RAPGEF2: variants seen among roughly 807,000 people sequenced by gnomAD.
RAPGEF2 encodes PDZ domain containing guanine nucleotide exchange factor (GEF) 1.
RAPGEF2 carries 54 observed loss-of-function variants against 186.7 expected under a neutral mutation model. That is an observed-to-expected ratio of 0.29 (90% CI 0.23 to 0.36). The LOEUF is 0.36. Among genes scored for constraint, RAPGEF2 ranks in the 10% least tolerant of loss-of-function variants. RAPGEF2 has a pLI of 1.00. For missense variants in RAPGEF2, 1,532 were observed against 2,045.0 expected, an observed-to-expected ratio of 0.75 and a Z score of 4.84; for synonymous variants, 712 against 705.9, an observed-to-expected ratio of 1.01 and a Z score of -0.14.
intron 7 of RAPGEF2, among the ~76,000 whole-genome samples, chr4:159,253,739 C>T (rs1193973411): frequency 1.3e-5 from 2 of 151,954 alleles, no homozygotes; most frequent in African/African-American, 4.8e-5. Flanking sequence ...GAGGCCGAGG[C>T]GGGCGGATCA....
intron 4 of RAPGEF2, among the ~76,000 whole-genome samples, chr4:159,214,488 T>C (rs1290343399): frequency 6.6e-6 from 1 of 152,212 alleles, no homozygotes; most frequent in Non-Finnish European, 1.5e-5. Flanking sequence ...TAGGAAAACA[T>C]TGACAATTTT....
At chr4:159,140,912 A>G (rs1702470527) in intron 1 of RAPGEF2, among the ~76,000 whole-genome samples, 1 of 151,590 alleles carries the variant, frequency 6.6e-6, no homozygotes, top group Non-Finnish European at 1.5e-5. Flanking sequence ...GCTCACTGCA[A>G]CCTCTGCCTC....
intron 4 of RAPGEF2, among the ~76,000 whole-genome samples, chr4:159,212,233 G>A (rs973862107): frequency 2.6e-5 from 4 of 152,102 alleles, no homozygotes; most frequent in East Asian, 1.9e-4. Flanking sequence ...CATTGGAATC[G>A]TAAAGCTCTT....
intron 4 of RAPGEF2, among the ~76,000 whole-genome samples, chr4:159,234,818 G>T (rs1753053807): frequency 6.6e-6 from 1 of 152,104 alleles, no homozygotes; most frequent in Admixed American, 6.5e-5. Flanking sequence ...GGAGTGCAGT[G>T]GTGCAATCTC....
At chr4:159,212,732 C>G (rs1182489812) in intron 4 of RAPGEF2, among the ~76,000 whole-genome samples, 1 of 152,118 alleles carries the variant, frequency 6.6e-6, no homozygotes, top group Non-Finnish European at 1.5e-5. Context: ...AAATTTATGT[C>G]TTAAAAAGAG....
rs1289051008 is a variant in RAPGEF2, at chr4:159,343,000, G to A, written c.2940G>A (p.Val980=). 6.2e-7 allele frequency: 1 copy of A among 1,613,844 alleles called. No homozygotes were observed. Among genetic ancestry groups the A allele is most frequent in the Admixed American group, 1.7e-5 (1 of 59,958 alleles). The change falls in exon 21 of 30, where the codon GTG becomes GTA. Residue 980 remains valine, a synonymous_variant. Coordinates refer to ENST00000691494, the MANE Select transcript of RAPGEF2 (RefSeq NM_001394067.2). ...AIISGLNLAP[V]ARLRTTWEKL... is the part of the protein sequence containing the mutation. ...TCAGTGGCCTAAACCTGGCACCAGTGGCAAGACTGCGAACGACCTGGGAGA... is the reference window on the plus strand; with the variant it reads ...TCAGTGGCCTAAACCTGGCACCAGTAGCAAGACTGCGAACGACCTGGGAGA...
At chr4:159,159,737 C>A (rs1744506370) in intron 1 of RAPGEF2, among the ~76,000 whole-genome samples, 2 of 152,182 alleles carry the variant, frequency 1.3e-5, no homozygotes, top group Non-Finnish European at 2.9e-5. Flanking sequence ...TACAACTTGA[C>A]CTCTTCATTA....
At chr4:159,256,364 C>A (rs1353892661) in intron 7 of RAPGEF2, among the ~76,000 whole-genome samples, 1 of 152,210 alleles carries the variant, frequency 6.6e-6, no homozygotes, top group East Asian at 1.9e-4. Flanking sequence ...CATGTCTCTG[C>A]AAAGGACATG....
chr4:159,242,770 T>G (rs1754163463), intron 6 of RAPGEF2, among the ~76,000 whole-genome samples: 1 of 152,032 alleles, frequency 6.6e-6, no homozygotes, highest in Admixed American at 6.6e-5. Context: ...GAAGGAAATA[T>G]GTATTAAAAA....
intron 7 of RAPGEF2, among the ~76,000 whole-genome samples, chr4:159,244,255 T>C (rs1340326120): frequency 6.6e-6 from 1 of 151,960 alleles, no homozygotes; most frequent in Non-Finnish European, 1.5e-5. Flanking sequence ...GGGAGGCCAC[T>C]GGTAAAATTT....
At chr4:159,187,753 A>G (rs1307334908) in intron 2 of RAPGEF2, among the ~76,000 whole-genome samples, 1 of 152,214 alleles carries the variant, frequency 6.6e-6, no homozygotes, top group Non-Finnish European at 1.5e-5. Flanking sequence ...AGGAAGATGG[A>G]TAATATATAA....
chr4:159,280,204 A>C (rs1316533095), intron 7 of RAPGEF2, among the ~76,000 whole-genome samples: 1 of 152,206 alleles, frequency 6.6e-6, no homozygotes, highest in Non-Finnish European at 1.5e-5. Context: ...AGCTAATTTT[A>C]GTATATAGCC....
At chr4:159,110,507 G>T (rs1738381272) in intron 1 of RAPGEF2, among the ~76,000 whole-genome samples, 2 of 152,278 alleles carry the variant, frequency 1.3e-5, no homozygotes, top group Middle Eastern at 3.4e-3. Flanking sequence ...GAACCCTGGA[G>T]GCAGAGGTTG....
rs1322968741 is a variant in RAPGEF2 at position 159,205,433 on chromosome 4, A to G, written c.198-5067A>G. 2.0e-5 allele frequency among the ~76,000 whole-genome samples: 3 copies of G among 152,154 alleles called. No individual in the cohort carries two copies. The East Asian group carries it at 5.8e-4, about 29-fold the overall frequency. ...GGTTACATCCCAATAAACCCACTAT[A>G]TGTTGAAAACATCCTAAGTCAAAAT... On this transcript the variant is annotated intron_variant, in intron 3 of 29. Coordinates refer to ENST00000691494, the MANE Select transcript of RAPGEF2 (RefSeq NM_001394067.2).
intron 7 of RAPGEF2, among the ~76,000 whole-genome samples, chr4:159,294,462 G>A (rs1761651522): frequency 6.6e-6 from 1 of 152,144 alleles, no homozygotes; most frequent in Admixed American, 6.5e-5. Context: ...AAAACAAGAG[G>A]CTGAGAACTC....
chr4:159,197,717 GCTTT>G (rs1748802209), intron 3 of RAPGEF2, among the ~76,000 whole-genome samples: 1 of 152,164 alleles, frequency 6.6e-6, no homozygotes, highest in African/African-American at 2.4e-5. Flanking sequence ...TGCTGACTTG[GCTTT>G]CTGTTTTCAC....
At chr4:159,123,890 T>G (rs1739995718) in intron 1 of RAPGEF2, among the ~76,000 whole-genome samples, 1 of 147,216 alleles carries the variant, frequency 6.8e-6, no homozygotes. Context: ...GGTTTCACTC[T>G]TCTTGCCCAG....
rs370456949 is a variant in RAPGEF2 at position 159,341,703 on chromosome 4, G to A, written c.2674G>A (p.Glu892Lys). 1.2e-6 allele frequency: 2 copies of A among 1,614,004 alleles called. No individual in the cohort carries two copies. The highest frequency in any genetic ancestry group is 1.6e-4 in the Middle Eastern group (1 of 6,062). Residue 892 changes from glutamate to lysine, a missense_variant, in exon 20 of 30, where the codon GAA (glutamate) becomes AAA (lysine). Physicochemically the swap from Glu to Lys is moderately conservative, Grantham distance 56. Coordinates refer to ENST00000691494, the MANE Select transcript of RAPGEF2 (RefSeq NM_001394067.2). The stretch of plus-strand genomic sequence containing the variant: ...AACACAGCTCTCTATGCGAAATTTT[G>A]AACTCTTTCGCAACATTGAACCTAC... The part of the protein sequence containing the change: ...VATQLSMRNF[E>K]LFRNIEPTEY...
intron 9 of RAPGEF2, among the ~76,000 whole-genome samples, chr4:159,317,965 A>G (rs1764793644): frequency 6.6e-6 from 1 of 152,106 alleles, no homozygotes; most frequent in Non-Finnish European, 1.5e-5. Flanking sequence ...GAAATTTAAG[A>G]CTTTCAGTTG....
Sources: allele counts gnomAD v4.1 joint callset (sites outside exome capture counted in the v4.1 genomes callset), GRCh38; gene constraint gnomAD v4.1.1; transcripts MANE v1.5; gene names NCBI Gene and HGNC (gene_info 2026-07-23, HGNC 2026-07-21).